Variants in ERN1 observed in about 807,000 individuals in gnomAD.
ERN1 encodes the protein serine/threonine-protein kinase/endoribonuclease IRE1.
In ERN1, 39 loss-of-function variants were observed where a neutral mutation model predicts 113.1. That is an observed-to-expected ratio of 0.34 (90% CI 0.27 to 0.45). The LOEUF (loss-of-function observed/expected upper bound fraction) is 0.45. ERN1 is among the 20% of genes least tolerant of loss of function. ERN1 has a pLI of 1.00. For missense variants in ERN1, 976 were observed against 1,274.8 expected, an observed-to-expected ratio of 0.77 and a Z score of 3.57; for synonymous variants, 507 against 515.9, an observed-to-expected ratio of 0.98 and a Z score of 0.23.
Position 64,042,462 on chromosome 17 carries a change from T to C in ERN1, c.*1526A>G, listed in dbSNP as rs1451151602. 1 of 152,202 alleles carries C rather than the reference T, an allele frequency of 6.6e-6. No individual in the cohort carries two copies. The highest frequency in any genetic ancestry group is 1.5e-5 in the Non-Finnish European group (1 of 68,036). 9.4% of individuals were successfully genotyped at this position (152,202 alleles called of 1,614,324 possible). A position where few individuals can be genotyped will look rare whatever the true frequency, so the allele number is the denominator to read the frequency against. ...TCTTACAACATGAAGAAACAGTGAT[T>C]TCTCTGTGAGTAAAATTCAACAATC... On this transcript the variant is annotated 3_prime_UTR_variant, in exon 22 of 22. Coordinates refer to ENST00000433197, the MANE Select transcript of ERN1 (RefSeq NM_001433.5).
Position 64,039,742 on chromosome 17 carries a change from G to C in ERN1, c.*4246C>G, listed in dbSNP as rs1268925280. ...ACTGGTAATGCTTTCTAGGTAAGTG[G>C]GGACTCCCCATCACAGCTTTAGGGA... is the stretch of plus-strand genomic sequence containing the variant. On this transcript the variant is annotated 3_prime_UTR_variant, in exon 22 of 22. Transcript: ENST00000433197. 1 of 152,174 alleles carries C rather than the reference G, an allele frequency of 6.6e-6. No homozygotes were observed. The highest frequency in any genetic ancestry group is 1.5e-5 in the Non-Finnish European group (1 of 68,050). The allele number at this position is 152,174 out of a possible 1,614,324, so 9.4% of individuals were successfully genotyped here. A position where few individuals can be genotyped will look rare whatever the true frequency, so the allele number is the denominator to read the frequency against.
intron 1 of ERN1, among the ~76,000 whole-genome samples, chr17:64,112,252 C>T (rs1247686745): frequency 6.6e-6 from 1 of 151,836 alleles, no homozygotes; most frequent in East Asian, 1.9e-4. Context: ...CTTGTAATCC[C>T]AGCTCCTCGA....
chr17:64,106,420 T>C (rs770593679), intron 1 of ERN1, among the ~76,000 whole-genome samples: 1 of 152,180 alleles, frequency 6.6e-6, no homozygotes, highest in Admixed American at 6.5e-5. Context: ...TTATTAACCT[T>C]GGCAATCATG....
intron 1 of ERN1, chr17:64,129,746 C>G (rs1229105759): frequency 1.0e-5 from 4 of 395,608 alleles, no homozygotes; most frequent in Non-Finnish European, 1.8e-5. Flanking sequence ...TTGGGAGGCT[C>G]TTCGGGCGGC....
chr17:64,067,084 A>C, intron 7 of ERN1, 152 bp from the exon 8 acceptor site: 1 of 794,840 alleles, frequency 1.3e-6, no homozygotes, highest in Admixed American at 2.7e-5. Flanking sequence ...ACTTGTTTCC[A>C]ATGAACTCGC....
chr17:64,130,003 C>A lies in ERN1; in HGVS notation c.27G>T (p.Leu9=). The change falls in exon 1 of 22, where the codon CTG becomes CTT. Residue 9 remains leucine, a synonymous_variant. Coordinates refer to ENST00000433197, the MANE Select transcript of ERN1 (RefSeq NM_001433.5). The surrounding 1 kb of genome is among the most constrained non-coding windows in gnomAD (Gnocchi z 4.0). ...CGAGGCCGGGCAGCAGCAGCGTCAG[C>A]AGCAGCAGCAGCCGCCGGGCCGGCA... The part of the protein sequence containing the change: MPARRLLL[L]LTLLLPGLGI... 1 of 1,442,976 alleles carries A rather than the reference C, an allele frequency of 6.9e-7. No homozygotes were observed. The allele number at this position is 1,442,976 out of a possible 1,614,324, so 89.4% of individuals were successfully genotyped here.
chr17:64,046,374 C>T (rs1784263153), intron 19 of ERN1, among the ~76,000 whole-genome samples: 2 of 152,186 alleles, frequency 1.3e-5, no homozygotes, highest in Admixed American at 1.3e-4. Flanking sequence ...GACATATGAC[C>T]TGGAGATACT....
chr17:64,098,098 C>G (rs1914279055), intron 2 of ERN1, 23 bp downstream of exon 2: 1 of 1,613,510 alleles, frequency 6.2e-7, no homozygotes, highest in Middle Eastern at 1.6e-4. Context: ...GTCCATGTCG[C>G]CCAAGGACCA....
In ERN1 at chr17:64,054,967, C is replaced by CA; in HGVS notation, c.1673-140dup. ...CACTGCACCCCAGACTGCTGCTCAG[C>CA]AAGAGCCTGCCAGGCCCACTCCCCA... On this transcript the variant is annotated intron_variant, in intron 13 of 21. Transcript: ENST00000433197. This position sits in a 1 kb window ranked among gnomAD's most constrained non-coding sequence, Gnocchi z 4.9. 1 of 664,164 alleles carries CA rather than the reference C, an allele frequency of 1.5e-6. No homozygotes were observed. The highest frequency in any genetic ancestry group is 2.8e-5 in the East Asian group (1 of 35,836). 41.1% of individuals were successfully genotyped at this position (664,164 alleles called of 1,614,324 possible).
chr17:64,055,127 A>G (rs1264357283), intron 13 of ERN1, among the ~76,000 whole-genome samples: 2 of 152,232 alleles, frequency 1.3e-5, no homozygotes, highest in Non-Finnish European at 1.5e-5. Flanking sequence ...ATACATATTC[A>G]TTGTGATATA....
chr17:64,116,975 T>G (rs8081263), intron 1 of ERN1, among the ~76,000 whole-genome samples: 53,747 of 148,538 alleles, frequency 0.36, 15,302 homozygotes, highest in African/African-American at 0.8. Flanking sequence ...AGCCAGGTGT[T>G]GTGGCGTGTG....
chr17:64,090,032 C>G (rs572926371), intron 2 of ERN1, among the ~76,000 whole-genome samples: 1 of 152,268 alleles, frequency 6.6e-6, no homozygotes, highest in African/African-American at 2.4e-5. Context: ...AGTACTTCTC[C>G]CCAGTGGCAG....
intron 1 of ERN1, among the ~76,000 whole-genome samples, chr17:64,128,162 T>C (rs1406392229): frequency 1.0e-5 from 1 of 98,086 alleles, no homozygotes; most frequent in Admixed American, 8.8e-5. Context: ...GCCCGGCTAA[T>C]TTTTTTTTTT....
chr17:64,127,152 T>C (rs1915102218), intron 1 of ERN1, among the ~76,000 whole-genome samples: 1 of 152,164 alleles, frequency 6.6e-6, no homozygotes, highest in Admixed American at 6.5e-5. Flanking sequence ...TGTTATTGCG[T>C]TTTGGATCTG....
chr17:64,059,134 A>C (rs1457234191), intron 11 of ERN1, among the ~76,000 whole-genome samples: 2 of 152,230 alleles, frequency 1.3e-5, no homozygotes, highest in African/African-American at 2.4e-5. Context: ...TTCAATAATG[A>C]ATATGCAGGA....
chr17:64,083,577 A>T (rs1913834633), intron 2 of ERN1, among the ~76,000 whole-genome samples: 1 of 152,234 alleles, frequency 6.6e-6, no homozygotes, highest in African/African-American at 2.4e-5. Context: ...CACAAATATA[A>T]AAAGTGGCTG....
chr17:64,115,318 C>T (rs1829069685), intron 1 of ERN1, among the ~76,000 whole-genome samples: 1 of 152,210 alleles, frequency 6.6e-6, no homozygotes, highest in Non-Finnish European at 1.5e-5. Flanking sequence ...AGTTCACTTA[C>T]TCCAACCCTG....
intron 5 of ERN1, among the ~76,000 whole-genome samples, chr17:64,073,834 G>C (rs1249287820): frequency 6.6e-6 from 1 of 152,018 alleles, no homozygotes; most frequent in African/African-American, 2.4e-5. Context: ...TGTAGAGACG[G>C]GGTCTCACTA....
chr17:64,078,899 A>C (rs987476642), intron 4 of ERN1, among the ~76,000 whole-genome samples: 3 of 152,090 alleles, frequency 2.0e-5, no homozygotes, highest in African/African-American at 7.2e-5. Context: ...CCAGCTACTC[A>C]GGAGGCTGAG....
Sources: gnomAD v4.1 joint callset for allele counts (sites outside exome capture counted in the v4.1 genomes callset) on GRCh38, gnomAD v4.1.1 for gene constraint, Gnocchi (gnomAD v3.1) non-coding constraint, MANE v1.5 for transcripts, NCBI Gene and HGNC (gene_info 2026-07-23, HGNC 2026-07-21) for gene names.